GLT1D1: variants seen among roughly 807,000 people sequenced by gnomAD.
GLT1D1 encodes glycosyltransferase 1 domain-containing protein 1.
In GLT1D1, 21 loss-of-function variants were observed where a neutral mutation model predicts 28.7. The observed-to-expected ratio is 0.73, with a 90% CI of 0.52 to 1.05. GLT1D1 has a LOEUF of 1.05. Ranked by LOEUF, GLT1D1 falls within the 50% of genes least tolerant of loss-of-function variation. GLT1D1 has a pLI of 0.00. For missense variants in GLT1D1, 343 were observed against 330.6 expected, an observed-to-expected ratio of 1.04 and a Z score of -0.29; for synonymous variants, 147 against 124.8, an observed-to-expected ratio of 1.18 and a Z score of -1.19.
At chr12:128,944,613 G>A (rs7969314) in intron 4 of GLT1D1, 125,662 of 735,494 alleles carry the variant, frequency 0.17, 14,784 homozygotes, top group East Asian at 0.45. Flanking sequence ...ACATATTCAG[G>A]TTAATCACTG....
At chr12:128,858,610 G>A (rs182091882) in intron 1 of GLT1D1, among the ~76,000 whole-genome samples, 2 of 151,818 alleles carry the variant, frequency 1.3e-5, no homozygotes, top group Admixed American at 1.3e-4. Flanking sequence ...AGCAGAGGTT[G>A]CAGTGAGCTG....
chr12:128,862,104 A>G (rs1048797991), intron 1 of GLT1D1, among the ~76,000 whole-genome samples: 2 of 152,074 alleles, frequency 1.3e-5, no homozygotes, highest in African/African-American at 4.8e-5. Flanking sequence ...TGAGGCAGGC[A>G]GGTCACTTGA....
chr12:128,908,423 T>C (rs1177930595), intron 4 of GLT1D1, among the ~76,000 whole-genome samples: 1 of 151,502 alleles, frequency 6.6e-6, no homozygotes, highest in Non-Finnish European at 1.5e-5. Flanking sequence ...TTTCTTTTTC[T>C]TTCCTTTCTT....
chr12:128,963,425 T>C lies in GLT1D1; in HGVS notation c.639+5782T>C, dbSNP rs529416205. Among the ~76,000 whole-genome samples the C allele has an allele frequency of 2.3e-4, 35 of 152,054 alleles. No individual in the cohort carries two copies. In the South Asian group the frequency reaches 7.1e-3, roughly 31 times the overall value. On this transcript the variant is annotated intron_variant, in intron 7 of 7. Transcript: ENST00000281703. ...ACTTTGGGAGGCCGAGGTGGGTGAA[T>C]CACTTGAGGTCAGGAGTTCGAGACC...
intron 7 of GLT1D1, among the ~76,000 whole-genome samples, chr12:128,969,000 G>A (rs377032591): frequency 8.4e-4 from 128 of 151,782 alleles, no homozygotes; most frequent in South Asian, 3.1e-3. Context: ...CCTCTGTCTC[G>A]TCATCTCCTT....
intron 6 of GLT1D1, among the ~76,000 whole-genome samples, chr12:128,956,860 A>T (rs968452663): frequency 6.6e-6 from 1 of 152,168 alleles, no homozygotes; most frequent in Non-Finnish European, 1.5e-5. Flanking sequence ...GATCCCCTTG[A>T]AGTTGGCTTC....
At position 128,931,253 on chromosome 12, in the gene GLT1D1, G is replaced by A. The variant is rs144645050; in HGVS notation, c.376-14073G>A. Among the ~76,000 whole-genome samples, 768 of 151,360 alleles carry A rather than the reference G, an allele frequency of 5.1e-3. 3 individuals carry two copies. The highest frequency in any genetic ancestry group is 0.018 in the African/African-American group (722 of 41,240). On this transcript the variant is annotated intron_variant, in intron 4 of 7. Coordinates refer to ENST00000281703, the MANE Select transcript of GLT1D1 (RefSeq NM_144669.3). Reference sequence around the variant, plus strand: ...CCTGACCTCGTGATCTGCCTGCCTCGGCCTCCCAAAATCCTGGGATTACAG... The same window carrying A: ...CCTGACCTCGTGATCTGCCTGCCTCAGCCTCCCAAAATCCTGGGATTACAG...
chr12:128,855,448 C>T (rs1353892975), intron 1 of GLT1D1, among the ~76,000 whole-genome samples: 1 of 151,320 alleles, frequency 6.6e-6, no homozygotes, highest in Non-Finnish European at 1.5e-5. Context: ...TGCCTGTGGT[C>T]CTAGCTACTC....
chr12:128,980,583 T>C (rs1292889677), intron 7 of GLT1D1, among the ~76,000 whole-genome samples: 2 of 152,206 alleles, frequency 1.3e-5, no homozygotes, highest in Non-Finnish European at 2.9e-5. Flanking sequence ...GCGGCTGGCC[T>C]GGAGCTGGAT....
intron 3 of GLT1D1, among the ~76,000 whole-genome samples, chr12:128,892,037 A>G (rs1247357889): frequency 6.6e-6 from 1 of 152,194 alleles, no homozygotes; most frequent in Non-Finnish European, 1.5e-5. Flanking sequence ...GAAGACTCAA[A>G]GCAGGGAGGG....
chr12:128,921,431 G>C (rs1298206809), intron 4 of GLT1D1, among the ~76,000 whole-genome samples: 1 of 151,874 alleles, frequency 6.6e-6, no homozygotes, highest in African/African-American at 2.4e-5. Context: ...AAATCAAATA[G>C]AAAACATCGA....
chr12:128,878,872 C>T (rs889822746), intron 2 of GLT1D1, among the ~76,000 whole-genome samples: 2 of 152,146 alleles, frequency 1.3e-5, no homozygotes, highest in African/African-American at 4.8e-5. Context: ...ACCTTGGCCT[C>T]CTAAAGTGCT....
intron 2 of GLT1D1, among the ~76,000 whole-genome samples, chr12:128,881,564 ATATATAT>A (rs1957059786): frequency 3.6e-5 from 2 of 55,102 alleles, no homozygotes; most frequent in African/African-American, 1.7e-4. Flanking sequence ...AAAAAAAAAT[ATATATAT>A]ATATATATAT....
intron 4 of GLT1D1, among the ~76,000 whole-genome samples, chr12:128,928,027 AAAAAAGAAT>A (rs1478523170): frequency 4.1e-5 from 6 of 145,224 alleles, no homozygotes; most frequent in African/African-American, 1.6e-4. Flanking sequence ...AAAAAAAAAC[AAAAAAGAAT>A]AGAAAAAAAG....
At chr12:128,956,565 A>G (rs470506) in intron 6 of GLT1D1, among the ~76,000 whole-genome samples, 94,836 of 151,990 alleles carry the variant, frequency 0.62, 29,683 homozygotes, top group Middle Eastern at 0.73. Context: ...CACTAGGATC[A>G]ACTGTTCATC....
At chr12:128,887,463 G>GTT (rs143673730) in intron 2 of GLT1D1, among the ~76,000 whole-genome samples, 11 of 144,298 alleles carry the variant, frequency 7.6e-5, no homozygotes, top group African/African-American at 2.8e-4. Context: ...ACCAATATGC[G>GTT]TTTTTTTTTT....
At chr12:128,962,030 C>A (rs1878010462) in intron 7 of GLT1D1, among the ~76,000 whole-genome samples, 1 of 151,482 alleles carries the variant, frequency 6.6e-6, no homozygotes, top group Admixed American at 6.6e-5. Context: ...TGTCCCCCTC[C>A]ACCCTTCCCA....
chr12:128,971,293 C>CCTCT (rs1879017391), intron 7 of GLT1D1, among the ~76,000 whole-genome samples: 1 of 37,106 alleles, frequency 2.7e-5, no homozygotes, highest in Non-Finnish European at 4.7e-5. Flanking sequence ...GCCCTCCCTT[C>CCTCT]CTCCCTCCCT....
At chr12:128,938,731 A>G (rs979373176) in intron 4 of GLT1D1, among the ~76,000 whole-genome samples, 1 of 152,256 alleles carries the variant, frequency 6.6e-6, no homozygotes, top group Admixed American at 6.5e-5. Flanking sequence ...CATCAGGAGT[A>G]GCAGCTGGGA....
Sources: allele counts gnomAD v4.1 joint callset (sites outside exome capture counted in the v4.1 genomes callset), GRCh38; gene constraint gnomAD v4.1.1; transcripts MANE v1.5; gene names NCBI Gene and HGNC (gene_info 2026-07-23, HGNC 2026-07-21).